LDLRAD4: variants seen among roughly 807,000 people sequenced by gnomAD.
The protein encoded by LDLRAD4 is low density lipoprotein receptor class A domain containing 4.
In LDLRAD4, 5 loss-of-function variants were observed where a neutral mutation model predicts 17.0. The observed-to-expected ratio is 0.29, with a 90% CI of 0.15 to 0.62. The LOEUF (loss-of-function observed/expected upper bound fraction) is 0.62. LDLRAD4 is among the 20% of genes least tolerant of loss of function. The pLI is 0.84. For synonymous variants in LDLRAD4, 168 were observed against 171.8 expected, an observed-to-expected ratio of 0.98 and a Z score of 0.17; for missense variants, 340 against 424.7, an observed-to-expected ratio of 0.80 and a Z score of 1.75.
At chr18:13,333,725 G>A (rs1438476109) in intron 1 of LDLRAD4, among the ~76,000 whole-genome samples, 2 of 152,132 alleles carry the variant, frequency 1.3e-5, no homozygotes, top group African/African-American at 4.8e-5. Context: ...TTTTATATCA[G>A]TCTCTTTCTG....
intron 1 of LDLRAD4, among the ~76,000 whole-genome samples, chr18:13,363,624 A>G (rs367939430): frequency 7.2e-5 from 11 of 152,200 alleles, no homozygotes; most frequent in East Asian, 3.8e-4. Context: ...GTGTTGGCTT[A>G]TGACCTTGGC....
At chr18:13,229,258 T>C (rs2041953623) in intron 1 of LDLRAD4, among the ~76,000 whole-genome samples, 2 of 152,278 alleles carry the variant, frequency 1.3e-5, no homozygotes, top group African/African-American at 4.8e-5. Context: ...CTTCTAGCTG[T>C]CCCTCCTGGG....
At chr18:13,365,439 G>A (rs1163560359) in intron 1 of LDLRAD4, among the ~76,000 whole-genome samples, 1 of 152,192 alleles carries the variant, frequency 6.6e-6, no homozygotes, top group Non-Finnish European at 1.5e-5. Flanking sequence ...GTCAATATTT[G>A]TAGTGCGCTG....
rs549947789 is a variant in LDLRAD4 at position 13,344,165 on chromosome 18, C to T, written c.-382-43176C>T. On this transcript the variant is annotated intron_variant, in intron 1 of 5. Transcript: ENST00000359446. ...AACATGAAGTCCTTGCCCATGCCTA[C>T]GTCCTGAATGGTATTGCCTAGGTCT... 1.6e-3 allele frequency among the ~76,000 whole-genome samples: 239 copies of T among 152,212 alleles called. 1 individual carries two copies. The highest frequency in any genetic ancestry group is 3.4e-3 in the Middle Eastern group (1 of 294).
rs1599263535 is a variant in LDLRAD4 at position 13,304,317 on chromosome 18, G to T, written c.-383+26129G>T. 2.0e-5 allele frequency among the ~76,000 whole-genome samples: 3 copies of T among 152,328 alleles called. No individual in the cohort carries two copies. The South Asian group carries it at 6.2e-4, about 32-fold the overall frequency. Reference sequence around the variant, plus strand: ...GTGTGGGCAGCGTGGGGAAGGGGAGGAGGAGGAGTTAGTTTTTCAAAGAAG... The same window carrying T: ...GTGTGGGCAGCGTGGGGAAGGGGAGTAGGAGGAGTTAGTTTTTCAAAGAAG... On this transcript the variant is annotated intron_variant, in intron 1 of 5. Coordinates refer to ENST00000359446, the Ensembl canonical transcript of LDLRAD4.
At chr18:13,581,489 T>C (rs934208028) in intron 3 of LDLRAD4, among the ~76,000 whole-genome samples, 1 of 152,232 alleles carries the variant, frequency 6.6e-6, no homozygotes, top group Non-Finnish European at 1.5e-5. Context: ...TTTGGAGCCT[T>C]CTTTCTGGGA....
intron 3 of LDLRAD4, among the ~76,000 whole-genome samples, chr18:13,593,282 T>C (rs1309937771): frequency 6.6e-6 from 1 of 152,204 alleles, no homozygotes; most frequent in Non-Finnish European, 1.5e-5. Flanking sequence ...CATTACACTC[T>C]AGCCTCGGCA....
chr18:13,290,759 A>G (rs1233085175), intron 1 of LDLRAD4, among the ~76,000 whole-genome samples: 1 of 152,240 alleles, frequency 6.6e-6, no homozygotes, highest in Non-Finnish European at 1.5e-5. Context: ...AGATTATACC[A>G]GAAGAACAGA....
At chr18:13,272,060 T>C (rs940422707) in intron 1 of LDLRAD4, among the ~76,000 whole-genome samples, 4 of 152,116 alleles carry the variant, frequency 2.6e-5, no homozygotes, top group African/African-American at 9.7e-5. Context: ...CATGCCTAGC[T>C]AATTTTTGTA....
chr18:13,633,240 T>C (rs889189098), intron 4 of LDLRAD4, among the ~76,000 whole-genome samples: 7 of 152,230 alleles, frequency 4.6e-5, no homozygotes, highest in Non-Finnish European at 7.3e-5. Context: ...AGGGAGGAAG[T>C]GCATGCTGAT....
intron 3 of LDLRAD4, among the ~76,000 whole-genome samples, chr18:13,473,732 T>C (rs1173098722): frequency 1.4e-5 from 2 of 146,232 alleles, no homozygotes; most frequent in East Asian, 4.0e-4. Flanking sequence ...GGGGCGGGGC[T>C]TATACACCAG....
chr18:13,452,140 A>G (rs2091874183), intron 3 of LDLRAD4, among the ~76,000 whole-genome samples: 1 of 152,188 alleles, frequency 6.6e-6, no homozygotes, highest in Admixed American at 6.5e-5. Flanking sequence ...TCAGAGGGGC[A>G]GGTCCCCAGT....
chr18:13,336,907 A>G (rs1021298559), intron 1 of LDLRAD4, among the ~76,000 whole-genome samples: 3 of 152,128 alleles, frequency 2.0e-5, no homozygotes, highest in Admixed American at 6.6e-5. Context: ...GTATTCGTCT[A>G]TTAGTAAGTT....
At chr18:13,372,371 C>G (rs2144882395) in intron 1 of LDLRAD4, among the ~76,000 whole-genome samples, 1 of 152,306 alleles carries the variant, frequency 6.6e-6, no homozygotes, top group Middle Eastern at 3.4e-3. Flanking sequence ...AGAGGATTTG[C>G]TCGTCAGCAG....
At chr18:13,392,368 CTT>C (rs1212450888) in intron 2 of LDLRAD4, among the ~76,000 whole-genome samples, 1 of 152,240 alleles carries the variant, frequency 6.6e-6, no homozygotes, top group Non-Finnish European at 1.5e-5. Flanking sequence ...ATGTCCTAAA[CTT>C]ACTGTTTTTG....
At chr18:13,244,092 CCCAT>C (rs2042830859) in intron 1 of LDLRAD4, among the ~76,000 whole-genome samples, 1 of 147,850 alleles carries the variant, frequency 6.8e-6, no homozygotes, top group Non-Finnish European at 1.5e-5. Flanking sequence ...CCACCATCTA[CCCAT>C]CCATCCATTC....
At chr18:13,246,807 AG>A (rs1350281321) in intron 1 of LDLRAD4, among the ~76,000 whole-genome samples, 1 of 152,246 alleles carries the variant, frequency 6.6e-6, no homozygotes, top group Non-Finnish European at 1.5e-5. Flanking sequence ...ACTAGAAAGG[AG>A]AACATTTGTG....
At chr18:13,320,058 C>T (rs1281568410) in intron 1 of LDLRAD4, among the ~76,000 whole-genome samples, 2 of 152,202 alleles carry the variant, frequency 1.3e-5, no homozygotes, top group Non-Finnish European at 2.9e-5. Flanking sequence ...GTGTTGTCTG[C>T]ATTGTTGCAG....
chr18:13,374,030 A>C (rs193029839), intron 1 of LDLRAD4, among the ~76,000 whole-genome samples: 27 of 152,338 alleles, frequency 1.8e-4, no homozygotes, highest in African/African-American at 6.3e-4. Context: ...TATTTAGAAA[A>C]AATGTGTACG....
Sources: allele counts gnomAD v4.1 joint callset (sites outside exome capture counted in the v4.1 genomes callset), GRCh38; gene constraint gnomAD v4.1.1; transcripts MANE v1.5; gene names NCBI Gene and HGNC (gene_info 2026-07-23, HGNC 2026-07-21).